The following FIP1L1 variants were observed in gnomAD, a reference collection of about 807,000 sequenced individuals.
FIP1L1 encodes factor interacting with PAPOLA and CPSF1.
In FIP1L1, 21 loss-of-function variants were observed where a neutral mutation model predicts 84.6. The ratio of observed to expected loss-of-function variants is 0.25; its 90% CI spans 0.18 to 0.36. The LOEUF (loss-of-function observed/expected upper bound fraction) is 0.36, where lower values mean the gene tolerates loss of function less well. Among genes scored for constraint, FIP1L1 ranks in the 10% least tolerant of loss-of-function variants. The pLI is 1.00. For synonymous variants in FIP1L1, 263 were observed against 242.3 expected, an observed-to-expected ratio of 1.09 and a Z score of -0.80; for missense variants, 526 against 751.1, an observed-to-expected ratio of 0.70 and a Z score of 3.50.
chr4:53,425,143 A>G (rs939290702), intron 11 of FIP1L1, among the ~76,000 whole-genome samples: 13 of 152,264 alleles, frequency 8.5e-5, no homozygotes, highest in African/African-American at 3.1e-4. Flanking sequence ...AGTGACTTCT[A>G]TATCATCTTA....
intron 11 of FIP1L1, among the ~76,000 whole-genome samples, chr4:53,419,013 A>T (rs1448575526): frequency 6.6e-6 from 1 of 152,184 alleles, no homozygotes; most frequent in African/African-American, 2.4e-5. Flanking sequence ...TATTGGACAT[A>T]TGAAGGCCTT....
chr4:53,399,640 T>A, intron 9 of FIP1L1, 90 bp from the exon 10 acceptor site: 2 of 810,018 alleles, frequency 2.5e-6, no homozygotes, highest in South Asian at 3.4e-5. Flanking sequence ...AACTTCAAAT[T>A]AAATGTTGTA....
At chr4:53,407,368 T>A (rs1257962255) in intron 10 of FIP1L1, among the ~76,000 whole-genome samples, 1 of 152,248 alleles carries the variant, frequency 6.6e-6, no homozygotes, top group African/African-American at 2.4e-5. Flanking sequence ...CACTGTGGTC[T>A]GAGAGACAGT....
chr4:53,417,812 C>G (rs1450173180), intron 11 of FIP1L1, among the ~76,000 whole-genome samples: 1 of 69,494 alleles, frequency 1.4e-5, no homozygotes, highest in African/African-American at 5.5e-5. Flanking sequence ...CTCTCTCTCT[C>G]TCTCTCTCAG....
chr4:53,460,066 TTAC>T lies in FIP1L1; in HGVS notation c.*618_*620del. ...GGCCTCTATGAAATAAATTAATTAA[TTAC>T]CCATAGTGTAGTTTCTAGGAGGCAT... On this transcript the variant is annotated 3_prime_UTR_variant, in exon 18 of 18. Coordinates refer to ENST00000337488, the MANE Select transcript of FIP1L1 (RefSeq NM_030917.4). The T allele has an allele frequency of 6.0e-6, 1 of 165,356 alleles. No homozygotes were observed. Among genetic ancestry groups the T allele is most frequent in the Non-Finnish European group, 1.2e-5 (1 of 80,184 alleles). The allele number at this position is 165,356 out of a possible 1,614,324, so 10.2% of individuals were successfully genotyped here.
At chr4:53,389,117 A>C (rs1225200967) in intron 5 of FIP1L1, among the ~76,000 whole-genome samples, 1 of 152,226 alleles carries the variant, frequency 6.6e-6, no homozygotes, top group Non-Finnish European at 1.5e-5. Context: ...TTAACCACCC[A>C]CCACCGGCAA....
At chr4:53,451,932 G>T (rs1205690764) in intron 15 of FIP1L1, among the ~76,000 whole-genome samples, 2 of 150,648 alleles carry the variant, frequency 1.3e-5, no homozygotes, top group Non-Finnish European at 1.5e-5. Context: ...TGCCCAGTCC[G>T]GAGTATAGTG....
chr4:53,391,674 T>C (rs966663665), intron 9 of FIP1L1, among the ~76,000 whole-genome samples, 176 bp downstream of exon 9: 1 of 152,204 alleles, frequency 6.6e-6, no homozygotes, highest in African/African-American at 2.4e-5. Context: ...TTTGCAAGCA[T>C]GTGAATTTAT....
At chr4:53,424,571 TG>T (rs1763619515) in intron 11 of FIP1L1, among the ~76,000 whole-genome samples, 1 of 152,076 alleles carries the variant, frequency 6.6e-6, no homozygotes, top group Non-Finnish European at 1.5e-5. Context: ...AAGTCTTAAG[TG>T]GGCAAGGGAT....
Position 53,426,000 on chromosome 4 carries a change from T to C in FIP1L1, c.1017+35T>C, listed in dbSNP as rs1764174220. The C allele has an allele frequency of 5.1e-6, 7 of 1,381,320 alleles. No individual in the cohort carries two copies. In the Admixed American group the frequency reaches 7.0e-5, roughly 14 times the overall value. The allele number at this position is 1,381,320 out of a possible 1,614,324, so 85.6% of individuals were successfully genotyped here. A position where few individuals can be genotyped will look rare whatever the true frequency, so the allele number is the denominator to read the frequency against. On this transcript the variant is annotated intron_variant, in intron 12 of 17. Transcript: ENST00000337488. ...TTTAAAATAAATAATTTTCTTTAAC[T>C]GAAGGATGATATCAACATTATAATT...
At chr4:53,425,381 CT>C (rs1318633008) in intron 11 of FIP1L1, among the ~76,000 whole-genome samples, 1 of 151,772 alleles carries the variant, frequency 6.6e-6, no homozygotes, top group Non-Finnish European at 1.5e-5. Context: ...AAACTGGTTC[CT>C]TTTTTATGTT....
intron 1 of FIP1L1, 127 bp downstream of exon 1, chr4:53,378,050 G>A: frequency 1.2e-6 from 1 of 819,984 alleles, no homozygotes; most frequent in Non-Finnish European, 1.8e-6. Context: ...TGTCCGGCCT[G>A]ACTTAGGCCG....
chr4:53,395,257 T>C (rs1416226085), intron 9 of FIP1L1, among the ~76,000 whole-genome samples: 1 of 152,178 alleles, frequency 6.6e-6, no homozygotes, highest in East Asian at 1.9e-4. Context: ...TTTAATAGAA[T>C]GAGGATATTA....
Position 53,458,804 on chromosome 4 carries a change from T to A in FIP1L1, c.1637+14T>A. 1.9e-6 allele frequency: 3 copies of A among 1,608,090 alleles called. No homozygotes were observed. The highest frequency in any genetic ancestry group is 2.5e-6 in the Non-Finnish European group (3 of 1,177,192). Reference sequence around the variant, plus strand: ...GTCTTCTCGAAGGTTTGCTCTTTAATAAAATAGTGAACCAATAGTATGTGA... The same window carrying A: ...GTCTTCTCGAAGGTTTGCTCTTTAAAAAAATAGTGAACCAATAGTATGTGA... On this transcript the variant is annotated intron_variant, in intron 17 of 17. Coordinates refer to ENST00000337488, the MANE Select transcript of FIP1L1 (RefSeq NM_030917.4).
chr4:53,380,283 G>A (rs1489121548), intron 3 of FIP1L1, among the ~76,000 whole-genome samples: 6 of 152,158 alleles, frequency 3.9e-5, no homozygotes, highest in Admixed American at 6.5e-5. Flanking sequence ...TCCATACAGC[G>A]GAATATTATT....
chr4:53,415,857 G>A (rs1759264853), intron 11 of FIP1L1, among the ~76,000 whole-genome samples: 1 of 152,116 alleles, frequency 6.6e-6, no homozygotes. Flanking sequence ...AGCAACTAAT[G>A]TAGATAAAAA....
At chr4:53,450,169 TGTA>T (rs1369236967) in intron 15 of FIP1L1, among the ~76,000 whole-genome samples, 1 of 152,172 alleles carries the variant, frequency 6.6e-6, no homozygotes, top group Non-Finnish European at 1.5e-5. Flanking sequence ...TCTTTTCTAA[TGTA>T]GTATTTTAAG....
At chr4:53,436,284 C>T (rs1484288645) in intron 13 of FIP1L1, among the ~76,000 whole-genome samples, 2 of 152,198 alleles carry the variant, frequency 1.3e-5, no homozygotes, top group African/African-American at 4.8e-5. Flanking sequence ...TTTAAGGTCT[C>T]TCTCAGACCT....
chr4:53,433,162 A>G (rs1306181636), intron 13 of FIP1L1, among the ~76,000 whole-genome samples: 1 of 152,362 alleles, frequency 6.6e-6, no homozygotes, highest in Admixed American at 6.5e-5. Flanking sequence ...TTGTCATTTT[A>G]GCCATTTATA....
Sources: gnomAD v4.1 joint callset for allele counts (sites outside exome capture counted in the v4.1 genomes callset) on GRCh38, gnomAD v4.1.1 for gene constraint, MANE v1.5 for transcripts, NCBI Gene and HGNC (gene_info 2026-07-23, HGNC 2026-07-21) for gene names.